MAL2: variants seen among roughly 807,000 people sequenced by gnomAD.
MAL2 encodes the protein mal, T cell differentiation protein 2.
MAL2 carries 17 observed loss-of-function variants against 18.1 expected under a neutral mutation model. The observed-to-expected ratio is 0.94, with a 90% CI of 0.64 to 1.41. The LOEUF is 1.41. Ranked by LOEUF, MAL2 falls within the 40% of genes most tolerant of loss-of-function variation. The pLI is 0.00. For missense variants in MAL2, 222 were observed against 231.9 expected (o/e 0.96, Z 0.28); for synonymous variants, 102 against 102.3 (o/e 1.00, Z 0.02).
chr8:119,239,467 AC>A (rs1817996967), intron 2 of MAL2, among the ~76,000 whole-genome samples: 2 of 152,080 alleles, frequency 1.3e-5, no homozygotes, highest in Admixed American at 6.5e-5. Flanking sequence ...AGACACATGC[AC>A]ATGTATGTTT....
At chr8:119,227,686 C>A (rs890397152) in intron 2 of MAL2, among the ~76,000 whole-genome samples, 1 of 152,150 alleles carries the variant, frequency 6.6e-6, no homozygotes, top group Non-Finnish European at 1.5e-5. Context: ...AGATGCTCCA[C>A]TCTCCTCTCA....
chr8:119,238,282 C>T (rs908823600), intron 2 of MAL2, among the ~76,000 whole-genome samples: 1 of 143,256 alleles, frequency 7.0e-6, no homozygotes, highest in African/African-American at 2.9e-5. Flanking sequence ...TGAAATGAAA[C>T]AAAGAAATGG....
intron 2 of MAL2, among the ~76,000 whole-genome samples, chr8:119,225,103 T>C (rs752503632): frequency 6.6e-6 from 1 of 152,160 alleles, no homozygotes; most frequent in African/African-American, 2.4e-5. Flanking sequence ...TACATAAACT[T>C]GCAGATAGTA....
intron 2 of MAL2, among the ~76,000 whole-genome samples, chr8:119,223,613 GGTCTTTTAGCTGGAGTA>G (rs1427681970): frequency 2.0e-5 from 3 of 152,124 alleles, no homozygotes; most frequent in African/African-American, 4.8e-5. Flanking sequence ...GGTTACCTGT[GGTCTTTTAGCTGGAGTA>G]GTCTTTTAGC....
At chr8:119,213,884 T>C (rs949333259) in intron 1 of MAL2, among the ~76,000 whole-genome samples, 2 of 152,122 alleles carry the variant, frequency 1.3e-5, no homozygotes, top group Non-Finnish European at 2.9e-5. Context: ...CCAATGCCCC[T>C]GCCAGAGATT....
chr8:119,214,810 C>T (rs367861277), intron 1 of MAL2, among the ~76,000 whole-genome samples: 1 of 152,280 alleles, frequency 6.6e-6, no homozygotes, highest in South Asian at 2.1e-4. Flanking sequence ...TGAGTATTAA[C>T]GTATTTTGGT....
At chr8:119,216,842 C>T (rs917918226) in intron 1 of MAL2, among the ~76,000 whole-genome samples, 2 of 152,154 alleles carry the variant, frequency 1.3e-5, no homozygotes, top group Non-Finnish European at 2.9e-5. Context: ...AGAAATTAGC[C>T]GGTTTACTTT....
intron 2 of MAL2, among the ~76,000 whole-genome samples, chr8:119,228,727 G>A (rs1336845291): frequency 2.6e-5 from 4 of 152,148 alleles, no homozygotes; most frequent in Non-Finnish European, 4.4e-5. Flanking sequence ...AGCTCAGAGA[G>A]TCATAAAAGC....
chr8:119,238,045 T>A (rs2129907968), intron 2 of MAL2, among the ~76,000 whole-genome samples: 1 of 152,342 alleles, frequency 6.6e-6, no homozygotes, highest in Non-Finnish European at 1.5e-5. Flanking sequence ...CCCCATTGTC[T>A]CAGCCCAGAA....
intron 1 of MAL2, among the ~76,000 whole-genome samples, chr8:119,213,968 T>G (rs997590211): frequency 2.0e-5 from 3 of 152,316 alleles, no homozygotes; most frequent in Admixed American, 6.5e-5. Flanking sequence ...TGGAAAACTT[T>G]AAACCAAGTA....
In MAL2 at chr8:119,233,629, T is replaced by G. The variant is rs902286111; in HGVS notation, c.304-6536T>G. 7.6e-4 allele frequency among the ~76,000 whole-genome samples: 115 copies of G among 152,190 alleles called. 1 individual carries two copies. The highest frequency in any genetic ancestry group is 3.2e-4 in the Non-Finnish European group (22 of 68,006). On this transcript the variant is annotated intron_variant, in intron 2 of 3. Transcript: ENST00000614891. ...CACCCTCCCAAGACTAAACCAGGAATAAGTTGAATCTCTGAATAGACCAAT... is the reference window on the plus strand; with the variant it reads ...CACCCTCCCAAGACTAAACCAGGAAGAAGTTGAATCTCTGAATAGACCAAT...
intron 2 of MAL2, among the ~76,000 whole-genome samples, chr8:119,235,315 T>G (rs543129862): frequency 6.6e-6 from 1 of 152,268 alleles, no homozygotes; most frequent in Non-Finnish European, 1.5e-5. Flanking sequence ...AGACCAAATC[T>G]ACGTCTGATT....
chr8:119,210,773 A>G (rs925490089), intron 1 of MAL2, among the ~76,000 whole-genome samples: 1 of 152,226 alleles, frequency 6.6e-6, no homozygotes, highest in South Asian at 2.1e-4. Flanking sequence ...TTGGCTACGT[A>G]GAACAGCATC....
Position 119,225,982 on chromosome 8 carries a change from ATTTG to A in MAL2, c.303+4230_303+4233del, listed in dbSNP as rs201251184. Among the ~76,000 whole-genome samples the A allele has an allele frequency of 6.6e-3, 997 of 152,112 alleles. 16 individuals carry two copies. Among genetic ancestry groups the A allele is most frequent in the East Asian group, 0.033 (173 of 5,166 alleles). On this transcript the variant is annotated intron_variant, in intron 2 of 3. Transcript: ENST00000614891. ...TGATGGGGTTGTTTTTTTCTTGTGA[ATTTG>A]TTTGAGTTCATTGTAGATTCTGGAT...
intron 2 of MAL2, among the ~76,000 whole-genome samples, chr8:119,234,362 G>A (rs1429570879): frequency 6.6e-6 from 1 of 152,174 alleles, no homozygotes; most frequent in Non-Finnish European, 1.5e-5. Flanking sequence ...CAAACTGCAA[G>A]GCGGCAACAA....
intron 2 of MAL2, 79 bp downstream of exon 2, chr8:119,221,836 C>A: frequency 6.8e-7 from 1 of 1,461,890 alleles, no homozygotes; most frequent in South Asian, 1.3e-5. Flanking sequence ...ATGCCAGAGT[C>A]CCAGTTCTGT....
intron 2 of MAL2, among the ~76,000 whole-genome samples, chr8:119,230,346 G>GCTTC (rs1817691194): frequency 1.3e-5 from 2 of 152,052 alleles, no homozygotes; most frequent in Admixed American, 1.3e-4. Flanking sequence ...AGATGAAAGG[G>GCTTC]GAAGAAATAG....
Position 119,208,429 on chromosome 8 carries a change from G to A in MAL2, c.-44G>A. The A allele has an allele frequency of 2.7e-5, 30 of 1,094,688 alleles. No individual in the cohort carries two copies. The highest frequency in any genetic ancestry group is 3.4e-5 in the Non-Finnish European group (30 of 891,438). 67.8% of individuals were successfully genotyped at this position (1,094,688 alleles called of 1,614,324 possible). On this transcript the variant is annotated 5_prime_UTR_variant, in exon 1 of 4. Transcript: ENST00000614891. The surrounding 1 kb of genome is among the most constrained non-coding windows in gnomAD (Gnocchi z 4.3). ...GCAGGAGCCCGGGAGGCGGAGGCGG[G>A]AGGCGGCGGCGGCGCGCGGAGACGC...
chr8:119,227,538 T>G (rs772488333), intron 2 of MAL2, among the ~76,000 whole-genome samples: 3 of 152,124 alleles, frequency 2.0e-5, no homozygotes, highest in African/African-American at 4.8e-5. Flanking sequence ...TTGGGGGATA[T>G]CCAGGAAGAA....
Sources: allele counts gnomAD v4.1 joint callset (sites outside exome capture counted in the v4.1 genomes callset), GRCh38; gene constraint gnomAD v4.1.1; non-coding constraint Gnocchi (gnomAD v3.1); transcripts MANE v1.5; gene names NCBI Gene and HGNC (gene_info 2026-07-23, HGNC 2026-07-21).